Variants in AGBL1 observed in about 807,000 individuals in gnomAD.
The protein encoded by AGBL1 is AGBL carboxypeptidase 1.
In AGBL1, 130 loss-of-function variants were observed where a neutral mutation model predicts 118.9. The ratio of observed to expected loss-of-function variants is 1.09; its 90% confidence interval spans 0.95 to 1.26. The LOEUF is 1.26. AGBL1 is among the 50% of genes most tolerant of loss of function. The probability of loss-of-function intolerance (pLI) is 0.00; values close to 1 mark genes in which losing one functional copy is unlikely to be tolerated. For synonymous variants in AGBL1, 555 were observed against 478.9 expected (o/e 1.16, Z -2.08); for missense variants, 1,584 against 1,298.1 (o/e 1.22, Z -3.38).
chr15:86,997,984 G>T (rs2081395915), intron 24 of AGBL1, among the ~76,000 whole-genome samples: 1 of 150,196 alleles, frequency 6.7e-6, no homozygotes, highest in South Asian at 2.1e-4. Context: ...TACTTTACAT[G>T]TTCTGTGTAA....
At chr15:86,280,077 T>C (rs145898296) in intron 16 of AGBL1, among the ~76,000 whole-genome samples, 12 of 152,260 alleles carry the variant, frequency 7.9e-5, no homozygotes, top group African/African-American at 2.4e-4. Flanking sequence ...GACTCTGTCT[T>C]TAAAAAGTCA....
intron 24 of AGBL1, among the ~76,000 whole-genome samples, chr15:86,991,390 A>G (rs958770405): frequency 2.0e-5 from 3 of 151,974 alleles, no homozygotes; most frequent in East Asian, 1.9e-4. Context: ...CGTTTCCCCA[A>G]AAGTGAAGTT....
chr15:86,921,228 T>TG (rs2080478839), intron 23 of AGBL1, among the ~76,000 whole-genome samples: 1 of 152,132 alleles, frequency 6.6e-6, no homozygotes, highest in Admixed American at 6.6e-5. Flanking sequence ...TTTAATGATT[T>TG]GGGGGTCAAC....
chr15:86,362,130 A>G lies in AGBL1; in HGVS notation c.2375-35236A>G, dbSNP rs150669321. ...GGCTGCCATGAAATGTATGTAAATT[A>G]TCTTACAGTTATAACACTATTTTTA... On this transcript the variant is annotated intron_variant, in intron 17 of 22. Coordinates refer to ENST00000614907, the MANE Select transcript of AGBL1 (RefSeq NM_001386094.1). 4.8e-3 allele frequency among the ~76,000 whole-genome samples: 730 copies of G among 152,260 alleles called. 7 individuals are homozygous for G. Among genetic ancestry groups the G allele is most frequent in the Middle Eastern group, 0.017 (5 of 294 alleles).
At chr15:86,990,580 T>C (rs536185963) in intron 24 of AGBL1, among the ~76,000 whole-genome samples, 2 of 152,190 alleles carry the variant, frequency 1.3e-5, no homozygotes, top group Admixed American at 1.3e-4. Context: ...CAGCAAATAC[T>C]TTTATAGCAC....
intron 22 of AGBL1, among the ~76,000 whole-genome samples, chr15:86,779,795 ATATTT>A (rs2078306635): frequency 6.6e-6 from 1 of 151,848 alleles, no homozygotes; most frequent in African/African-American, 2.4e-5. Context: ...TTTTATTTTT[ATATTT>A]TATTAACCAT....
At chr15:86,899,831 C>T (rs1382470427) in intron 22 of AGBL1, among the ~76,000 whole-genome samples, 1 of 152,124 alleles carries the variant, frequency 6.6e-6, no homozygotes, top group Non-Finnish European at 1.5e-5. Context: ...AAGGATGCGA[C>T]ATATTATTCC....
intron 17 of AGBL1, among the ~76,000 whole-genome samples, chr15:86,367,885 TGGCTTGCTG>T (rs2080914871): frequency 6.6e-6 from 1 of 152,162 alleles, no homozygotes; most frequent in South Asian, 2.1e-4. Context: ...CTTAAGTCAG[TGGCTTGCTG>T]GGCTCTAAGA....
At chr15:86,435,342 T>C (rs77669299) in intron 18 of AGBL1, among the ~76,000 whole-genome samples, 4,961 of 152,316 alleles carry the variant, frequency 0.033, 139 homozygotes, top group African/African-American at 0.074. Flanking sequence ...AAGCTGTGAA[T>C]TATGAAGATA....
intron 5 of AGBL1, among the ~76,000 whole-genome samples, chr15:86,205,440 A>G (rs1001459001): frequency 1.3e-5 from 2 of 152,310 alleles, no homozygotes; most frequent in Admixed American, 6.5e-5. Flanking sequence ...TCATGTGGAG[A>G]TGAGTTTTTA....
chr15:86,578,430 C>T lies in AGBL1; in HGVS notation c.2994+23893C>T, dbSNP rs146737007. Among the ~76,000 whole-genome samples, 3 of 152,264 alleles carry T rather than the reference C, an allele frequency of 2.0e-5. No individual in the cohort carries two copies. The East Asian group carries it at 5.8e-4, about 29-fold the overall frequency. ...TGGCTCATAGCCAGAAGGGACTTGCCTTGTCTCAGATGAGACTTCGGACTG... is the reference window on the plus strand; with the variant it reads ...TGGCTCATAGCCAGAAGGGACTTGCTTTGTCTCAGATGAGACTTCGGACTG... On this transcript the variant is annotated intron_variant, in intron 21 of 22. Coordinates refer to ENST00000614907, the MANE Select transcript of AGBL1 (RefSeq NM_001386094.1).
At chr15:87,005,800 C>CT (rs2081493566) in intron 24 of AGBL1, among the ~76,000 whole-genome samples, 1 of 152,186 alleles carries the variant, frequency 6.6e-6, no homozygotes, top group Non-Finnish European at 1.5e-5. Context: ...TTTTTCTGCT[C>CT]TGTTTTTTCC....
chr15:86,803,759 C>G (rs1158183463), intron 22 of AGBL1, among the ~76,000 whole-genome samples: 1 of 152,084 alleles, frequency 6.6e-6, no homozygotes, highest in Non-Finnish European at 1.5e-5. Flanking sequence ...TCAACCAGGA[C>G]TGACTGTGGT....
chr15:86,835,221 C>T (rs531343955), intron 22 of AGBL1, among the ~76,000 whole-genome samples: 2 of 152,026 alleles, frequency 1.3e-5, no homozygotes, highest in Admixed American at 6.6e-5. Context: ...TGAAGCAACT[C>T]GCTGGGATCA....
At chr15:86,093,193 A>C (rs1355867661) in intron 1 of AGBL1, among the ~76,000 whole-genome samples, 1 of 152,176 alleles carries the variant, frequency 6.6e-6, no homozygotes, top group African/African-American at 2.4e-5. Flanking sequence ...CACACAAGCT[A>C]GTCTTCACAT....
At chr15:86,839,866 T>C (rs1321211033) in intron 22 of AGBL1, among the ~76,000 whole-genome samples, 1 of 152,196 alleles carries the variant, frequency 6.6e-6, no homozygotes, top group East Asian at 1.9e-4. Flanking sequence ...CTTTTATTCC[T>C]CTGAGATTCC....
intron 23 of AGBL1, among the ~76,000 whole-genome samples, chr15:86,927,395 C>A (rs1268436886): frequency 6.7e-6 from 1 of 148,788 alleles, no homozygotes; most frequent in African/African-American, 2.5e-5. Flanking sequence ...TTGACACCAG[C>A]CTGGGCAATA....
chr15:86,328,656 T>C (rs1453023263), intron 17 of AGBL1, among the ~76,000 whole-genome samples: 1 of 152,084 alleles, frequency 6.6e-6, no homozygotes, highest in Non-Finnish European at 1.5e-5. Flanking sequence ...GTCTATCTCA[T>C]AAAATTTGAG....
intron 5 of AGBL1, among the ~76,000 whole-genome samples, chr15:86,211,459 G>A (rs952898994): frequency 4.6e-5 from 7 of 152,226 alleles, no homozygotes; most frequent in African/African-American, 1.7e-4. Context: ...GGTCTACAGA[G>A]GCAGCAGGCC....
Sources: allele counts gnomAD v4.1 joint callset (sites outside exome capture counted in the v4.1 genomes callset), GRCh38; gene constraint gnomAD v4.1.1; transcripts MANE v1.5; gene names NCBI Gene and HGNC (gene_info 2026-07-23, HGNC 2026-07-21).